HIBADH: variants seen among roughly 807,000 people sequenced by gnomAD.
HIBADH encodes 3-hydroxyisobutyrate dehydrogenase, also known as 3-hydroxyisobutyrate dehydrogenase, mitochondrial.
In HIBADH, 25 loss-of-function variants were observed where a neutral mutation model predicts 36.1. The ratio of observed to expected loss-of-function variants is 0.69; its 90% confidence interval spans 0.50 to 0.97. The LOEUF (loss-of-function observed/expected upper bound fraction) is 0.97. HIBADH is among the 50% of genes least tolerant of loss of function. The pLI is 0.00. For synonymous variants in HIBADH, 160 were observed against 149.5 expected, an observed-to-expected ratio of 1.07 and a Z score of -0.51; for missense variants, 421 against 418.0, an observed-to-expected ratio of 1.01 and a Z score of -0.06.
chr7:27,599,164 A>C (rs2128289983), intron 4 of HIBADH, among the ~76,000 whole-genome samples: 1 of 152,318 alleles, frequency 6.6e-6, no homozygotes, highest in East Asian at 1.9e-4. Context: ...ATGTGTTCAC[A>C]TATGATGTAT....
At chr7:27,568,636 A>AT (rs952938622) in intron 4 of HIBADH, among the ~76,000 whole-genome samples, 7 of 151,406 alleles carry the variant, frequency 4.6e-5, no homozygotes, top group Admixed American at 3.3e-4. Context: ...TTTTTTTTAA[A>AT]TTTTTTTGTA....
At chr7:27,597,803 C>T (rs1258834379) in intron 4 of HIBADH, among the ~76,000 whole-genome samples, 5 of 152,054 alleles carry the variant, frequency 3.3e-5, no homozygotes, top group Non-Finnish European at 5.9e-5. Flanking sequence ...TTGAAGAGGG[C>T]GTTTCAGATC....
In HIBADH at chr7:27,632,465, G is replaced by C. The variant is rs560769082; in HGVS notation, c.253-20C>G. ...TACTACCTTTAAAAAAAATTGCAAA[G>C]GCACATTATTTAAATTAAAATGTAA... is the stretch of plus-strand genomic sequence containing the variant. On this transcript the variant is annotated intron_variant, in intron 2 of 7. Coordinates refer to ENST00000265395, the MANE Select transcript of HIBADH (RefSeq NM_152740.4). 6.5e-6 allele frequency: 10 copies of C among 1,527,118 alleles called. No individual in the cohort carries two copies. In the African/African-American group the frequency reaches 1.4e-4, roughly 21 times the overall value. 94.6% of individuals were successfully genotyped at this position (1,527,118 alleles called of 1,614,324 possible). A position where few individuals can be genotyped will look rare whatever the true frequency, so the allele number is the denominator to read the frequency against.
Position 27,608,911 on chromosome 7 carries a change from T to A in HIBADH, c.484+20460A>T, listed in dbSNP as rs183747810. Among the ~76,000 whole-genome samples, 41 of 152,312 alleles carry A rather than the reference T, an allele frequency of 2.7e-4. No individual in the cohort carries two copies. In the East Asian group the frequency reaches 6.2e-3, roughly 23 times the overall value. ...TGCCTTATCCATATACTTTCCAGCA[T>A]AACCATGTAAAGAGAACACAGGTTC... On this transcript the variant is annotated intron_variant, in intron 4 of 7. Coordinates refer to ENST00000265395, the MANE Select transcript of HIBADH (RefSeq NM_152740.4).
At chr7:27,655,897 T>C (rs1041212267) in intron 1 of HIBADH, among the ~76,000 whole-genome samples, 1 of 152,182 alleles carries the variant, frequency 6.6e-6, no homozygotes, top group South Asian at 2.1e-4. Flanking sequence ...TGAAAACATA[T>C]GCTCTCATAT....
intron 4 of HIBADH, among the ~76,000 whole-genome samples, chr7:27,547,733 T>C (rs1784254826): frequency 6.6e-6 from 1 of 152,132 alleles, no homozygotes; most frequent in Admixed American, 6.6e-5. Flanking sequence ...CTGAATTCCT[T>C]TTAAGCTTTT....
chr7:27,662,766 A>T lies in HIBADH; in HGVS notation c.23T>A (p.Leu8His). 6.9e-7 allele frequency: 1 copy of T among 1,450,436 alleles called. No homozygotes were observed. Among genetic ancestry groups the T allele is most frequent in the Non-Finnish European group, 9.1e-7 (1 of 1,100,240 alleles). The allele number at this position is 1,450,436 out of a possible 1,614,324, so 89.8% of individuals were successfully genotyped here. MAASLRL[L>H]GAASGLRYWS... The stretch of plus-strand genomic sequence containing the variant: ...GTACCGGAGACCGGAGGCAGCTCCG[A>T]GGAGCCGTAAGGAGGCTGCCATGCT... Residue 8 changes from leucine (L) to histidine (H), a missense_variant, in exon 1 of 8, where the codon CTC (leucine) becomes CAC (histidine). By Grantham distance (99) the Leu-to-His change is moderately conservative. Transcript: ENST00000265395.
At chr7:27,593,429 A>G (rs916953751) in intron 4 of HIBADH, among the ~76,000 whole-genome samples, 6 of 152,184 alleles carry the variant, frequency 3.9e-5, no homozygotes, top group African/African-American at 4.8e-5. Flanking sequence ...TCCAGGGCCA[A>G]TGCAGTAACT....
intron 4 of HIBADH, among the ~76,000 whole-genome samples, chr7:27,568,992 T>C (rs1784587842): frequency 6.6e-6 from 1 of 151,822 alleles, no homozygotes. Context: ...TTTCTTGGTA[T>C]TATCTCAGGG....
intron 4 of HIBADH, among the ~76,000 whole-genome samples, chr7:27,625,773 C>T (rs902253098): frequency 6.6e-6 from 1 of 152,054 alleles, no homozygotes; most frequent in Non-Finnish European, 1.5e-5. Context: ...GAATCATAGC[C>T]TATAAATATA....
intron 4 of HIBADH, among the ~76,000 whole-genome samples, chr7:27,560,633 A>C (rs1784451219): frequency 6.6e-6 from 1 of 152,172 alleles, no homozygotes; most frequent in Non-Finnish European, 1.5e-5. Flanking sequence ...TCTTAAAAAG[A>C]GCAAAGAGCT....
intron 1 of HIBADH, 103 bp downstream of exon 1, chr7:27,662,595 G>T: frequency 1.5e-6 from 1 of 679,522 alleles, no homozygotes; most frequent in Non-Finnish European, 2.2e-6. Context: ...TTAAGCCCCA[G>T]CCCAACCGCA....
intron 5 of HIBADH, among the ~76,000 whole-genome samples, chr7:27,539,527 G>A (rs977010568): frequency 2.0e-5 from 3 of 152,120 alleles, no homozygotes; most frequent in Admixed American, 1.3e-4. Flanking sequence ...GTTCAGTATT[G>A]TTTAATCATC....
Position 27,581,345 on chromosome 7 carries a change from G to A in HIBADH, c.485-38245C>T, listed in dbSNP as rs545045450. Among the ~76,000 whole-genome samples, 25 of 152,198 alleles carry A rather than the reference G, an allele frequency of 1.6e-4. No individual in the cohort carries two copies. The South Asian group carries it at 4.6e-3, about 28-fold the overall frequency. The stretch of plus-strand genomic sequence containing the variant: ...AAGCTGAGGATGTGTAATCATGTAC[G>A]GTGGAATATAAACCAGTAGGGAAGG... On this transcript the variant is annotated intron_variant, in intron 4 of 7. Transcript: ENST00000265395.
chr7:27,652,560 T>C (rs1786215641), intron 1 of HIBADH, among the ~76,000 whole-genome samples: 1 of 152,210 alleles, frequency 6.6e-6, no homozygotes, highest in Non-Finnish European at 1.5e-5. Flanking sequence ...ATAACAAATA[T>C]ACCATAATGG....
chr7:27,608,370 A>T (rs887287191), intron 4 of HIBADH, among the ~76,000 whole-genome samples: 1 of 152,222 alleles, frequency 6.6e-6, no homozygotes, highest in Non-Finnish European at 1.5e-5. Flanking sequence ...ATTTGCATGT[A>T]AATTTAAAAT....
rs1562657235 is a variant in HIBADH, at chr7:27,645,372, T to TTG, written c.252+4100_252+4101insCA. On this transcript the variant is annotated intron_variant, in intron 2 of 7. Coordinates refer to ENST00000265395, the MANE Select transcript of HIBADH (RefSeq NM_152740.4). ...TGGGTGTGTCTCATGGTTTTGATTT[T>TTG]TTTTTTTTTTTTTTTTTTTTTTTGA... Among the ~76,000 whole-genome samples, 118 of 118,906 alleles carry TTG rather than the reference T, an allele frequency of 9.9e-4. 8 individuals carry two copies. Among genetic ancestry groups the TTG allele is most frequent in the Non-Finnish European group, 8.4e-4 (49 of 58,216 alleles). The allele number at this position is 118,906 out of a possible 152,430, so 78.0% of individuals were successfully genotyped here. A position where few individuals can be genotyped will look rare whatever the true frequency, so the allele number is the denominator to read the frequency against.
chr7:27,546,910 C>T (rs532852337), intron 4 of HIBADH, among the ~76,000 whole-genome samples: 2 of 152,168 alleles, frequency 1.3e-5, no homozygotes, highest in South Asian at 4.1e-4. Context: ...GCAATAGTCT[C>T]CTACTTTATT....
chr7:27,658,391 A>C (rs1261493786), intron 1 of HIBADH, among the ~76,000 whole-genome samples: 1 of 152,216 alleles, frequency 6.6e-6, no homozygotes, highest in Admixed American at 6.5e-5. Context: ...GACGAATGAA[A>C]AGAAACTAGC....
Sources: gnomAD v4.1 joint callset for allele counts (sites outside exome capture counted in the v4.1 genomes callset) on GRCh38, gnomAD v4.1.1 for gene constraint, MANE v1.5 for transcripts, NCBI Gene and HGNC (gene_info 2026-07-23, HGNC 2026-07-21) for gene names.